The following TPO variants were observed in gnomAD, a reference collection of about 807,000 sequenced individuals.
The protein encoded by TPO is thyroid microsomal antigen.
A neutral mutation model predicts 96.9 loss-of-function variants in TPO; 78 were observed. The ratio of observed to expected loss-of-function variants is 0.81; its 90% CI spans 0.67 to 0.97. The LOEUF (loss-of-function observed/expected upper bound fraction) is 0.97, where lower values mean the gene tolerates loss of function less well. Ranked by LOEUF, TPO falls within the 50% of genes least tolerant of loss-of-function variation. The pLI is 0.00. For synonymous variants in TPO, 547 were observed against 538.0 expected (o/e 1.02, Z -0.23); for missense variants, 1,252 against 1,274.8 (o/e 0.98, Z 0.27).
Position 1,421,956 on chromosome 2 carries a change from C to A in TPO, c.95-1089C>A, listed in dbSNP as rs1159395678. ...GCTCTGACGGCTGTGCTGGGGGTCC[C>A]CGGCGAGCTGTGAGCCCGTGCTAGG... On this transcript the variant is annotated intron_variant, in intron 2 of 16. Transcript: ENST00000329066. Among the ~76,000 whole-genome samples the A allele has an allele frequency of 7.2e-5, 11 of 152,318 alleles. No individual in the cohort carries two copies. The South Asian group carries it at 2.3e-3, about 32-fold the overall frequency.
intron 14 of TPO, chr2:1,513,384 C>T (rs967263722): frequency 3.3e-5 from 5 of 152,270 alleles, no homozygotes; most frequent in Non-Finnish European, 7.3e-5. Context: ...AAGGTGGGCA[C>T]CAGGGCCCAT....
chr2:1,490,776 G>A lies in TPO; in HGVS notation c.1768+2785G>A, dbSNP rs186280029. On this transcript the variant is annotated intron_variant, in intron 10 of 16. Coordinates refer to ENST00000329066, the MANE Select transcript of TPO (RefSeq NM_001206744.2). ...AGGATAAATCAGATAAAAGAGAAACGCTCATGTCTCAGCAAGCTGAGCTGT... is the reference window on the plus strand; with the variant it reads ...AGGATAAATCAGATAAAAGAGAAACACTCATGTCTCAGCAAGCTGAGCTGT... Among the ~76,000 whole-genome samples, 6 of 152,284 alleles carry A rather than the reference G, an allele frequency of 3.9e-5. No homozygotes were observed. The East Asian group carries it at 7.7e-4, about 20-fold the overall frequency.
chr2:1,450,426 C>T (rs1404678867), intron 5 of TPO, among the ~76,000 whole-genome samples: 1 of 152,208 alleles, frequency 6.6e-6, no homozygotes, highest in Non-Finnish European at 1.5e-5. Context: ...TCAGCAGGAG[C>T]ACAGACCTCA....
At chr2:1,525,224 T>A (rs547649497) in intron 15 of TPO, among the ~76,000 whole-genome samples, 20 of 43,076 alleles carry the variant, frequency 4.6e-4, no homozygotes, top group African/African-American at 1.5e-3. Context: ...TCAAATCCCC[T>A]CACTGTGTGC....
chr2:1,520,270 A>T (rs757537287), intron 15 of TPO, among the ~76,000 whole-genome samples: 2 of 152,190 alleles, frequency 1.3e-5, no homozygotes, highest in Non-Finnish European at 2.9e-5. Context: ...ACACAATCCC[A>T]GCCTCGCCTC....
At chr2:1,460,524 G>A (rs1226045561) in intron 7 of TPO, among the ~76,000 whole-genome samples, 1 of 152,102 alleles carries the variant, frequency 6.6e-6, no homozygotes, top group Non-Finnish European at 1.5e-5. Context: ...CATAAAAAGA[G>A]TATATTTCCC....
chr2:1,436,546 G>C (rs1439664292), intron 5 of TPO, among the ~76,000 whole-genome samples, 162 bp downstream of exon 5: 3 of 152,128 alleles, frequency 2.0e-5, no homozygotes, highest in Non-Finnish European at 4.4e-5. Context: ...TGCATGCCTG[G>C]TGGTGCCTCA....
intron 13 of TPO, among the ~76,000 whole-genome samples, chr2:1,498,598 A>C (rs992902201): frequency 6.6e-5 from 10 of 152,190 alleles, no homozygotes; most frequent in African/African-American, 2.2e-4. Flanking sequence ...GCATTTTGGG[A>C]TTGGTCATGA....
At chr2:1,453,416 GA>G (rs894320784) in intron 5 of TPO, among the ~76,000 whole-genome samples, 1 of 152,178 alleles carries the variant, frequency 6.6e-6, no homozygotes, top group African/African-American at 2.4e-5. Context: ...GAAAACAGGG[GA>G]GTGGGAAGGA....
At chr2:1,533,403 A>G (rs1678808767) in intron 15 of TPO, among the ~76,000 whole-genome samples, 1 of 120,938 alleles carries the variant, frequency 8.3e-6, no homozygotes, top group Non-Finnish European at 1.7e-5. Flanking sequence ...ACTGTTTGCA[A>G]CCTCCTCAAA....
chr2:1,377,576 C>T (rs1391314863), intron 1 of TPO, among the ~76,000 whole-genome samples: 1 of 152,134 alleles, frequency 6.6e-6, no homozygotes, highest in Non-Finnish European at 1.5e-5. Context: ...AGGGCAGGAC[C>T]CAGGGACCAG....
chr2:1,388,939 A>C (rs2148354736), intron 1 of TPO, among the ~76,000 whole-genome samples: 1 of 152,332 alleles, frequency 6.6e-6, no homozygotes, highest in African/African-American at 2.4e-5. Flanking sequence ...TTTAGGGTAC[A>C]CTTTTGCCCC....
At chr2:1,522,998 G>A (rs542323858) in intron 15 of TPO, among the ~76,000 whole-genome samples, 1 of 120,962 alleles carries the variant, frequency 8.3e-6, no homozygotes, top group Admixed American at 9.9e-5. Flanking sequence ...CCCACGCTGT[G>A]CAAACTCCCC....
At chr2:1,536,934 AATGTGAG>A (rs1558439268) in intron 15 of TPO, among the ~76,000 whole-genome samples, 8 of 30,670 alleles carry the variant, frequency 2.6e-4, no homozygotes, top group East Asian at 1.2e-3. Context: ...AATCCCCCCC[AATGTGAG>A]CAACCTCTCA....
At chr2:1,438,418 G>A (rs574306307) in intron 5 of TPO, among the ~76,000 whole-genome samples, 5 of 152,270 alleles carry the variant, frequency 3.3e-5, no homozygotes, top group East Asian at 1.9e-4. Flanking sequence ...AGAGGGGTCC[G>A]TGATGGAGCT....
At chr2:1,476,128 G>A (rs28910592) in intron 7 of TPO, among the ~76,000 whole-genome samples, 4 of 152,194 alleles carry the variant, frequency 2.6e-5, no homozygotes, top group Admixed American at 1.3e-4. Context: ...ACTTTGCCCC[G>A]AGAGGAGCTT....
chr2:1,427,720 C>T (rs760728478), intron 3 of TPO, among the ~76,000 whole-genome samples: 9 of 152,188 alleles, frequency 5.9e-5, no homozygotes, highest in Non-Finnish European at 1.0e-4. Flanking sequence ...CAAATGCTCC[C>T]ATCAGTCTCA....
intron 15 of TPO, among the ~76,000 whole-genome samples, chr2:1,518,075 C>T (rs1674892730): frequency 6.6e-6 from 1 of 152,180 alleles, no homozygotes; most frequent in Non-Finnish European, 1.5e-5. Flanking sequence ...AGCACCACCC[C>T]ATACCACACA....
At chr2:1,525,420 A>G (rs1441556536) in intron 15 of TPO, among the ~76,000 whole-genome samples, 2 of 66,472 alleles carry the variant, frequency 3.0e-5, no homozygotes. Flanking sequence ...AAATCCCCCC[A>G]CTGTGTGCAA....
Sources: gnomAD v4.1 joint callset for allele counts (sites outside exome capture counted in the v4.1 genomes callset) on GRCh38, gnomAD v4.1.1 for gene constraint, MANE v1.5 for transcripts, NCBI Gene and HGNC (gene_info 2026-07-23, HGNC 2026-07-21) for gene names.